Variants in ASIC2 observed in about 807,000 individuals in gnomAD.
The protein encoded by ASIC2 is acid sensing ion channel subunit 2.
Under a neutral mutation model 57.3 loss-of-function variants are expected in ASIC2, and 25 were observed. The observed-to-expected ratio is 0.44, with a 90% CI of 0.32 to 0.61. The LOEUF (loss-of-function observed/expected upper bound fraction) is 0.61. Ranked by LOEUF, ASIC2 falls within the 20% of genes least tolerant of loss-of-function variation. The pLI, the probability that ASIC2 is intolerant of heterozygous loss-of-function variation, is 0.06. For synonymous variants in ASIC2, 319 were observed against 307.5 expected, an observed-to-expected ratio of 1.04 and a Z score of -0.39; for missense variants, 641 against 738.1, an observed-to-expected ratio of 0.87 and a Z score of 1.52.
chr17:33,096,912 A>C (rs888918626), intron 2 of ASIC2, among the ~76,000 whole-genome samples: 6 of 152,168 alleles, frequency 3.9e-5, no homozygotes, highest in African/African-American at 1.4e-4. Flanking sequence ...TGGCAGGGAC[A>C]AGGCCAGAGT....
chr17:33,614,113 T>C (rs1284437057), intron 1 of ASIC2, among the ~76,000 whole-genome samples: 1 of 152,234 alleles, frequency 6.6e-6, no homozygotes, highest in Non-Finnish European at 1.5e-5. Context: ...CACCGGGTTT[T>C]AATTTTTTCC....
intron 1 of ASIC2, among the ~76,000 whole-genome samples, chr17:33,872,973 A>G (rs1231361537): frequency 6.6e-6 from 1 of 152,184 alleles, no homozygotes; most frequent in Non-Finnish European, 1.5e-5. Flanking sequence ...AGGCAGAAGC[A>G]GGAAAACTAG....
chr17:33,617,251 G>T (rs1905636249), intron 1 of ASIC2, among the ~76,000 whole-genome samples: 1 of 152,110 alleles, frequency 6.6e-6, no homozygotes, highest in Admixed American at 6.5e-5. Flanking sequence ...GCAAAGACAT[G>T]GAATCAACCT....
At chr17:33,845,798 G>A (rs1913577682) in intron 1 of ASIC2, among the ~76,000 whole-genome samples, 1 of 152,044 alleles carries the variant, frequency 6.6e-6, no homozygotes, top group Admixed American at 6.5e-5. Flanking sequence ...TTGTGACAAG[G>A]GATTGAAAAT....
chr17:33,496,526 G>A (rs1304699338), intron 1 of ASIC2, among the ~76,000 whole-genome samples: 2 of 149,218 alleles, frequency 1.3e-5, no homozygotes, highest in Non-Finnish European at 3.0e-5. Context: ...CAATTCAAAT[G>A]CCCTCACCTT....
intron 1 of ASIC2, among the ~76,000 whole-genome samples, chr17:33,265,600 C>T (rs1358889307): frequency 1.3e-5 from 2 of 152,080 alleles, no homozygotes; most frequent in African/African-American, 4.8e-5. Context: ...AGCAAACCAC[C>T]GTGGCACATA....
intron 1 of ASIC2, among the ~76,000 whole-genome samples, chr17:33,288,448 G>A (rs1905281741): frequency 6.6e-6 from 1 of 152,064 alleles, no homozygotes; most frequent in African/African-American, 2.4e-5. Context: ...ATGAGGGAGG[G>A]TGTGGCAAGA....
intron 1 of ASIC2, among the ~76,000 whole-genome samples, chr17:33,599,912 G>A (rs980775287): frequency 6.6e-5 from 10 of 152,220 alleles, no homozygotes; most frequent in Non-Finnish European, 1.2e-4. Flanking sequence ...AGTTGCTCAA[G>A]TTCAAATCCT....
At chr17:33,784,142 G>A (rs748667666) in intron 1 of ASIC2, among the ~76,000 whole-genome samples, 5 of 152,192 alleles carry the variant, frequency 3.3e-5, no homozygotes, top group African/African-American at 9.7e-5. Context: ...CCTGGAATCA[G>A]CCCTGGCTCC....
At chr17:33,932,767 GATAA>G (rs1915972654) in intron 1 of ASIC2, 1 of 114,458 alleles carries the variant, frequency 8.7e-6, no homozygotes, top group Non-Finnish European at 1.7e-5. Flanking sequence ...TATATAGTAT[GATAA>G]ATTAATTTCC....
intron 1 of ASIC2, among the ~76,000 whole-genome samples, chr17:33,659,366 T>C (rs1429419552): frequency 6.6e-6 from 1 of 152,186 alleles, no homozygotes; most frequent in Non-Finnish European, 1.5e-5. Context: ...GACTTTATCA[T>C]TGTGCAGACA....
In ASIC2 at chr17:33,416,685, C is replaced by T. The variant is rs774468858; in HGVS notation, c.556-304618G>A. ...GCTGGGGGCACCCCTCATTCATCTGCACATGCTGAGTTTATTTTGCCATTT... is the reference window on the plus strand; with the variant it reads ...GCTGGGGGCACCCCTCATTCATCTGTACATGCTGAGTTTATTTTGCCATTT... On this transcript the variant is annotated intron_variant, in intron 1 of 9. Transcript: ENST00000359872. Among the ~76,000 whole-genome samples the T allele has an allele frequency of 1.2e-4, 19 of 152,344 alleles. No homozygotes were observed. In the East Asian group the frequency reaches 1.7e-3, roughly 14 times the overall value.
chr17:33,946,463 T>C (rs927109415), intron 1 of ASIC2, among the ~76,000 whole-genome samples: 2 of 152,222 alleles, frequency 1.3e-5, no homozygotes, highest in African/African-American at 4.8e-5. Context: ...ACCTATTAAA[T>C]GCATGGTCAT....
chr17:34,081,699 C>T (rs1909890639), intron 1 of ASIC2, among the ~76,000 whole-genome samples: 1 of 152,182 alleles, frequency 6.6e-6, no homozygotes, highest in Non-Finnish European at 1.5e-5. Flanking sequence ...TCTTTTCCCA[C>T]CTAAATTTTA....
At chr17:34,133,644 G>T (rs978662295) in intron 1 of ASIC2, among the ~76,000 whole-genome samples, 2 of 152,216 alleles carry the variant, frequency 1.3e-5, no homozygotes, top group African/African-American at 4.8e-5. Context: ...TTCTTGTGAG[G>T]CAGCCAAGGA....
chr17:33,270,325 C>T (rs1374653694), intron 1 of ASIC2, among the ~76,000 whole-genome samples: 3 of 152,218 alleles, frequency 2.0e-5, no homozygotes, highest in Non-Finnish European at 4.4e-5. Context: ...ATTTCCTCAT[C>T]CCAGTCCCCT....
intron 1 of ASIC2, among the ~76,000 whole-genome samples, chr17:33,660,778 C>G (rs1365539110): frequency 1.3e-5 from 2 of 152,220 alleles, no homozygotes; most frequent in Admixed American, 1.3e-4. Context: ...TACGGAACCA[C>G]TGTCGTTAAT....
chr17:33,573,714 T>C (rs1916526147), intron 1 of ASIC2, among the ~76,000 whole-genome samples: 1 of 152,046 alleles, frequency 6.6e-6, no homozygotes, highest in African/African-American at 2.4e-5. Context: ...TACAGGTGCA[T>C]ACCACCACGC....
intron 1 of ASIC2, among the ~76,000 whole-genome samples, chr17:33,344,812 A>C (rs998586517): frequency 1.3e-5 from 2 of 152,096 alleles, no homozygotes; most frequent in Non-Finnish European, 2.9e-5. Context: ...GACAGAGACC[A>C]TGTCTTAGCT....
Sources: gnomAD v4.1 joint callset for allele counts (sites outside exome capture counted in the v4.1 genomes callset) on GRCh38, gnomAD v4.1.1 for gene constraint, MANE v1.5 for transcripts, NCBI Gene and HGNC (gene_info 2026-07-23, HGNC 2026-07-21) for gene names.